Variants in STAC observed in about 807,000 individuals in gnomAD.
STAC encodes the protein SH3 and cysteine rich domain.
In STAC, 43 loss-of-function variants were observed where a neutral mutation model predicts 48.8. That is an observed-to-expected ratio of 0.88 (90% confidence interval 0.69 to 1.14). The LOEUF (loss-of-function observed/expected upper bound fraction) is 1.14, where lower values mean the gene tolerates loss of function less well. STAC is among the 50% of genes most tolerant of loss of function. The pLI, the probability that STAC is intolerant of heterozygous loss-of-function variation, is 0.00. For missense variants in STAC, 497 were observed against 504.0 expected (o/e 0.99, Z 0.13); for synonymous variants, 193 against 179.5 (o/e 1.07, Z -0.60).
intron 2 of STAC, among the ~76,000 whole-genome samples, chr3:36,448,150 G>C (rs1463921824): frequency 7.0e-6 from 1 of 142,098 alleles, no homozygotes; most frequent in Non-Finnish European, 1.6e-5. Context: ...ACTAATTATG[G>C]TCACAGAATT....
intron 1 of STAC, among the ~76,000 whole-genome samples, chr3:36,430,591 T>C (rs1475834149): frequency 6.6e-6 from 1 of 152,208 alleles, no homozygotes; most frequent in Non-Finnish European, 1.5e-5. Context: ...CTTATTGCAA[T>C]TGATGTTTTA....
chr3:36,481,209 T>G (rs533438324), intron 2 of STAC, among the ~76,000 whole-genome samples: 1 of 152,290 alleles, frequency 6.6e-6, no homozygotes, highest in East Asian at 1.9e-4. Flanking sequence ...GAAGACCACA[T>G]GGCTAAAGCA....
intron 2 of STAC, among the ~76,000 whole-genome samples, chr3:36,479,588 A>G (rs1697589691): frequency 6.6e-6 from 1 of 152,130 alleles, no homozygotes; most frequent in Non-Finnish European, 1.5e-5. Context: ...AGGTATTTAA[A>G]CCCATGCAAT....
At chr3:36,399,899 G>A (rs1165209448) in intron 1 of STAC, among the ~76,000 whole-genome samples, 1 of 152,158 alleles carries the variant, frequency 6.6e-6, no homozygotes, top group Non-Finnish European at 1.5e-5. Flanking sequence ...CTAATTCTAC[G>A]ACTTAGGCAG....
intron 8 of STAC, among the ~76,000 whole-genome samples, chr3:36,518,941 C>G (rs1258653498): frequency 3.9e-5 from 6 of 152,146 alleles, no homozygotes; most frequent in Non-Finnish European, 7.4e-5. Context: ...AAGAGTAGAT[C>G]AGAAGTTACA....
chr3:36,542,709 G>A (rs1699357260), intron 10 of STAC, among the ~76,000 whole-genome samples: 1 of 151,890 alleles, frequency 6.6e-6, no homozygotes, highest in South Asian at 2.1e-4. Context: ...GTTTTATGTT[G>A]TCAGTCAGAT....
At chr3:36,388,769 A>C (rs1417883065) in intron 1 of STAC, among the ~76,000 whole-genome samples, 1 of 152,008 alleles carries the variant, frequency 6.6e-6, no homozygotes, top group Non-Finnish European at 1.5e-5. Flanking sequence ...TTTTTATGTA[A>C]TAAATGGTAA....
At chr3:36,445,702 T>C (rs1208471254) in intron 2 of STAC, among the ~76,000 whole-genome samples, 1 of 152,226 alleles carries the variant, frequency 6.6e-6, no homozygotes, top group Admixed American at 6.5e-5. Context: ...CCACACGTTA[T>C]CCTCATATTC....
chr3:36,539,753 C>T (rs1699280293), intron 10 of STAC, among the ~76,000 whole-genome samples: 2 of 152,190 alleles, frequency 1.3e-5, no homozygotes, highest in African/African-American at 4.8e-5. Flanking sequence ...CTTCAACCTA[C>T]TGCATTCAGT....
intron 5 of STAC, among the ~76,000 whole-genome samples, chr3:36,490,551 G>A (rs1168161613): frequency 6.6e-6 from 1 of 152,120 alleles, no homozygotes; most frequent in Admixed American, 6.5e-5. Flanking sequence ...TGGCATTGGT[G>A]GAAGGGCAAC....
At chr3:36,535,445 A>G (rs373769873) in intron 10 of STAC, among the ~76,000 whole-genome samples, 2 of 152,128 alleles carry the variant, frequency 1.3e-5, no homozygotes, top group African/African-American at 4.8e-5. Context: ...CTCTCTTCCT[A>G]TCTGAATACC....
chr3:36,519,902 G>A (rs1221494686), intron 8 of STAC, among the ~76,000 whole-genome samples: 1 of 152,116 alleles, frequency 6.6e-6, no homozygotes, highest in African/African-American at 2.4e-5. Flanking sequence ...ACAGGATAAA[G>A]GGTAATAACT....
intron 8 of STAC, 102 bp downstream of exon 8, chr3:36,505,936 C>A: frequency 1.4e-6 from 1 of 706,068 alleles, no homozygotes; most frequent in Non-Finnish European, 2.3e-6. Context: ...TGCTTTATAG[C>A]TGTGATTCTC....
At chr3:36,412,427 A>C (rs1700216410) in intron 1 of STAC, among the ~76,000 whole-genome samples, 1 of 151,608 alleles carries the variant, frequency 6.6e-6, no homozygotes. Flanking sequence ...TCCAAGAAAA[A>C]TAGAGGTTTT....
intron 8 of STAC, among the ~76,000 whole-genome samples, chr3:36,511,551 TA>T (rs1382076441): frequency 6.6e-6 from 1 of 151,994 alleles, no homozygotes; most frequent in Non-Finnish European, 1.5e-5. Flanking sequence ...TTTCCTCTTC[TA>T]AAAAAAATGC....
intron 10 of STAC, among the ~76,000 whole-genome samples, chr3:36,542,184 C>T (rs1197962688): frequency 6.6e-6 from 1 of 152,170 alleles, no homozygotes; most frequent in Non-Finnish European, 1.5e-5. Flanking sequence ...CCAATTAAAA[C>T]CTTTTAACAC....
intron 1 of STAC, among the ~76,000 whole-genome samples, chr3:36,432,164 T>C (rs1015757748): frequency 1.3e-5 from 2 of 152,194 alleles, no homozygotes; most frequent in African/African-American, 4.8e-5. Flanking sequence ...CCTTGCCAGA[T>C]ACTTTAGATG....
chr3:36,483,160 C>G (rs1164028259), intron 3 of STAC, 68 bp downstream of exon 3: 1 of 1,218,932 alleles, frequency 8.2e-7, no homozygotes, highest in Non-Finnish European at 1.2e-6. Context: ...GCAGTGAGAT[C>G]ACCCCCTCCA....
At chr3:36,476,110 T>C (rs748752501) in intron 2 of STAC, among the ~76,000 whole-genome samples, 57 of 152,338 alleles carry the variant, frequency 3.7e-4, no homozygotes, top group Non-Finnish European at 7.1e-4. Context: ...GCCCCAGTAT[T>C]CTCTTGGCCT....
Sources: gnomAD v4.1 joint callset for allele counts (sites outside exome capture counted in the v4.1 genomes callset) on GRCh38, gnomAD v4.1.1 for gene constraint, MANE v1.5 for transcripts, NCBI Gene and HGNC (gene_info 2026-07-23, HGNC 2026-07-21) for gene names.